The following EPHA6 variants were observed in gnomAD, a reference collection of about 807,000 sequenced individuals.
EPHA6 encodes the protein EPH receptor A6.
A neutral mutation model predicts 112.0 loss-of-function variants in EPHA6; 50 were observed. The observed-to-expected ratio is 0.45, with a 90% confidence interval of 0.36 to 0.56. The LOEUF is 0.56. Among genes scored for constraint, EPHA6 ranks in the 20% least tolerant of loss-of-function variants. The probability of loss-of-function intolerance (pLI) is 0.00; values close to 1 mark genes in which losing one functional copy is unlikely to be tolerated. For synonymous variants in EPHA6, 529 were observed against 490.7 expected (o/e 1.08, Z -1.03); for missense variants, 1,280 against 1,417.4 (o/e 0.90, Z 1.56).
At chr3:97,302,919 C>T (rs1042061773) in intron 5 of EPHA6, among the ~76,000 whole-genome samples, 12 of 151,744 alleles carry the variant, frequency 7.9e-5, no homozygotes, top group Non-Finnish European at 1.8e-4. Flanking sequence ...TTTATATAGT[C>T]AGCCTTTCTA....
At chr3:96,841,537 T>C (rs2034748490) in intron 1 of EPHA6, among the ~76,000 whole-genome samples, 2 of 152,144 alleles carry the variant, frequency 1.3e-5, no homozygotes, top group South Asian at 4.1e-4. Flanking sequence ...AATGGGTGTG[T>C]TACATTAAGT....
intron 1 of EPHA6, among the ~76,000 whole-genome samples, chr3:96,831,568 C>CCTGT (rs1421279727): frequency 9.9e-5 from 15 of 151,492 alleles, no homozygotes; most frequent in African/African-American, 3.2e-4. Context: ...ATGATCCATT[C>CCTGT]CTGTATTTTA....
chr3:97,367,252 T>C (rs1203845825), intron 5 of EPHA6, among the ~76,000 whole-genome samples: 1 of 152,208 alleles, frequency 6.6e-6, no homozygotes, highest in Non-Finnish European at 1.5e-5. Flanking sequence ...CTTTTTCCTT[T>C]TTTTATGTGA....
intron 3 of EPHA6, among the ~76,000 whole-genome samples, chr3:97,122,658 T>C (rs965488922): frequency 3.3e-5 from 5 of 152,050 alleles, no homozygotes; most frequent in African/African-American, 1.2e-4. Context: ...AGCTGAAAGA[T>C]TACAAAAGAT....
intron 2 of EPHA6, among the ~76,000 whole-genome samples, chr3:96,971,730 A>G (rs566754053): frequency 1.3e-5 from 2 of 152,270 alleles, no homozygotes; most frequent in African/African-American, 4.8e-5. Context: ...TGTACATTCA[A>G]CAACCTTAGT....
At chr3:97,390,145 C>T (rs934582826) in intron 5 of EPHA6, among the ~76,000 whole-genome samples, 11 of 152,148 alleles carry the variant, frequency 7.2e-5, no homozygotes, top group African/African-American at 2.7e-4. Context: ...CACCTGGCTA[C>T]TTGTCTGACA....
Position 97,209,908 on chromosome 3 carries a change from C to T in EPHA6, c.1115-16356C>T, listed in dbSNP as rs193222066. On this transcript the variant is annotated intron_variant, in intron 3 of 17. Transcript: ENST00000389672. ...TACGATTCAATTCTAGGTTGAAAGACGAATGTCTTACTTATTTTTTACAGA... is the reference window on the plus strand; with the variant it reads ...TACGATTCAATTCTAGGTTGAAAGATGAATGTCTTACTTATTTTTTACAGA... Among the ~76,000 whole-genome samples the T allele has an allele frequency of 4.1e-4, 62 of 152,134 alleles. 1 individual carries two copies. The highest frequency in any genetic ancestry group is 9.8e-4 in the Admixed American group (15 of 15,278).
intron 3 of EPHA6, among the ~76,000 whole-genome samples, chr3:97,198,046 G>A (rs2077485397): frequency 6.6e-6 from 1 of 152,070 alleles, no homozygotes; most frequent in African/African-American, 2.4e-5. Context: ...CCCCTGCCAG[G>A]AAATGGGAGT....
At chr3:97,722,068 TTA>T (rs1006983755) in intron 15 of EPHA6, among the ~76,000 whole-genome samples, 21 of 151,992 alleles carry the variant, frequency 1.4e-4, no homozygotes, top group African/African-American at 5.1e-4. Context: ...TCCAGATGAG[TTA>T]TAGTCTTCAC....
intron 14 of EPHA6, among the ~76,000 whole-genome samples, chr3:97,693,087 A>C (rs1396674091): frequency 6.6e-6 from 1 of 152,226 alleles, no homozygotes; most frequent in African/African-American, 2.4e-5. Flanking sequence ...ATAATAAAGA[A>C]AGTAAATGAG....
chr3:97,610,846 T>C lies in EPHA6; in HGVS notation c.2566T>C (p.Phe856Leu), dbSNP rs2107458205. Residue 856 changes from phenylalanine (F) to leucine (L), a missense_variant, in exon 13 of 18, where the codon TTT becomes CTT. Transcript: ENST00000389672. ...EYMENGSLDS[F>L]LRKHDGHFTV... Reference sequence around the variant, plus strand: ...TATGGAGAATGGATCCCTAGACTCCTTTTTGCGGGTGAGGTGTTCTTTTCT... The same window carrying C: ...TATGGAGAATGGATCCCTAGACTCCCTTTTGCGGGTGAGGTGTTCTTTTCT... 6.2e-7 allele frequency: 1 copy of C among 1,610,360 alleles called. No homozygotes were observed. Among genetic ancestry groups the C allele is most frequent in the Non-Finnish European group, 8.5e-7 (1 of 1,177,362 alleles).
chr3:97,542,751 C>T (rs2092881081), intron 11 of EPHA6, among the ~76,000 whole-genome samples: 1 of 152,220 alleles, frequency 6.6e-6, no homozygotes, highest in Non-Finnish European at 1.5e-5. Context: ...TCCTCTCCAG[C>T]ACCTGTTGTT....
intron 2 of EPHA6, among the ~76,000 whole-genome samples, chr3:96,945,969 A>C (rs2041234411): frequency 6.6e-6 from 1 of 152,070 alleles, no homozygotes; most frequent in East Asian, 1.9e-4. Context: ...TTGCCCTAAA[A>C]ATTCTCCATG....
At chr3:97,051,949 G>A (rs1290035705) in intron 3 of EPHA6, among the ~76,000 whole-genome samples, 1 of 152,100 alleles carries the variant, frequency 6.6e-6, no homozygotes, top group Non-Finnish European at 1.5e-5. Context: ...AGACTCCAAA[G>A]TCGTGATAAT....
At chr3:97,145,204 A>T (rs2108361620) in intron 3 of EPHA6, among the ~76,000 whole-genome samples, 2 of 151,578 alleles carry the variant, frequency 1.3e-5, no homozygotes, top group East Asian at 3.9e-4. Flanking sequence ...ATGTCAAATA[A>T]AACTATATTG....
chr3:97,385,610 AGT>A (rs2109037080), intron 5 of EPHA6, among the ~76,000 whole-genome samples: 1 of 152,198 alleles, frequency 6.6e-6, no homozygotes, highest in East Asian at 1.9e-4. Context: ...TCTTTATCTA[AGT>A]GTGTTAGTCC....
intron 5 of EPHA6, among the ~76,000 whole-genome samples, chr3:97,399,472 C>T (rs1314220462): frequency 6.6e-6 from 1 of 151,276 alleles, no homozygotes; most frequent in Non-Finnish European, 1.5e-5. Context: ...ATATCTGGAT[C>T]ATATGGTAGT....
intron 13 of EPHA6, among the ~76,000 whole-genome samples, chr3:97,624,261 T>A (rs756856508): frequency 6.6e-6 from 1 of 151,698 alleles, no homozygotes; most frequent in African/African-American, 2.4e-5. Flanking sequence ...TGTGATGAGT[T>A]TTGTCAAATG....
chr3:97,554,178 T>A (rs1273675523), intron 11 of EPHA6, among the ~76,000 whole-genome samples: 1 of 152,132 alleles, frequency 6.6e-6, no homozygotes, highest in Non-Finnish European at 1.5e-5. Context: ...AACTTCTATT[T>A]GAACAAAACA....
Sources: allele counts gnomAD v4.1 joint callset (sites outside exome capture counted in the v4.1 genomes callset), GRCh38; gene constraint gnomAD v4.1.1; transcripts MANE v1.5; gene names NCBI Gene and HGNC (gene_info 2026-07-23, HGNC 2026-07-21).